Variants in SCYL1 observed in about 807,000 individuals in gnomAD.
The protein encoded by SCYL1 is SCY1 like pseudokinase 1.
A neutral mutation model predicts 94.8 loss-of-function variants in SCYL1; 85 were observed. The ratio of observed to expected loss-of-function variants is 0.90; its 90% CI spans 0.75 to 1.07. The LOEUF is 1.07. Among genes scored for constraint, SCYL1 ranks in the 50% least tolerant of loss-of-function variants. The probability of loss-of-function intolerance (pLI) is 0.00; values close to 1 mark genes in which losing one functional copy is unlikely to be tolerated. For synonymous variants in SCYL1, 459 were observed against 435.5 expected (o/e 1.05, Z -0.67); for missense variants, 968 against 1,083.3 (o/e 0.89, Z 1.49).
rs747316169 is a variant in SCYL1 at position 65,527,201 on chromosome 11, C to T, written c.849+84C>T. The T allele has an allele frequency of 1.3e-5, 19 of 1,479,882 alleles. No homozygotes were observed. The Admixed American group carries it at 1.9e-4, about 15-fold the overall frequency. The allele number at this position is 1,479,882 out of a possible 1,614,324, so 91.7% of individuals were successfully genotyped here. On this transcript the variant is annotated intron_variant, in intron 6 of 17. Coordinates refer to ENST00000270176, the MANE Select transcript of SCYL1 (RefSeq NM_020680.4). ...GCTTTTCAGGGTACCTCACAATTGA[C>T]CCTCAGGAGACAAGCATGGACTGTG... is the stretch of plus-strand genomic sequence containing the variant.
intron 6 of SCYL1, among the ~76,000 whole-genome samples, chr11:65,530,194 T>G (rs1026609349): frequency 2.8e-4 from 42 of 152,134 alleles, no homozygotes; most frequent in Admixed American, 6.5e-4. Context: ...AGTAAGCCCC[T>G]TCACCTCTTT....
chr11:65,525,282 C>T lies in SCYL1; in HGVS notation c.111+18C>T. 1 of 1,399,834 alleles carries T rather than the reference C, an allele frequency of 7.1e-7. No individual in the cohort carries two copies. Among genetic ancestry groups the T allele is most frequent in the Non-Finnish European group, 9.4e-7 (1 of 1,066,536 alleles). The allele number at this position is 1,399,834 out of a possible 1,614,324, so 86.7% of individuals were successfully genotyped here. A position where few individuals can be genotyped will look rare whatever the true frequency, so the allele number is the denominator to read the frequency against. On this transcript the variant is annotated intron_variant, in intron 1 of 17. Coordinates refer to ENST00000270176, the MANE Select transcript of SCYL1 (RefSeq NM_020680.4). ...GCAAGAAGGTGAGTGCGGCCGAGCT[C>T]CGTAGGCCGCGGTCGACCTGGGCCT...
At chr11:65,533,062 A>G (rs1279357035) in intron 9 of SCYL1, 16 of 455,122 alleles carry the variant, frequency 3.5e-5, no homozygotes, top group Non-Finnish European at 5.7e-5. Flanking sequence ...AGCCCCCTGC[A>G]CTCATGGAGC....
chr11:65,529,514 C>T (rs1007821486), intron 6 of SCYL1, among the ~76,000 whole-genome samples: 3 of 152,208 alleles, frequency 2.0e-5, no homozygotes, highest in Non-Finnish European at 4.4e-5. Context: ...CCTCTCTGGG[C>T]CTTGGCCCCG....
intron 6 of SCYL1, among the ~76,000 whole-genome samples, chr11:65,530,028 G>C (rs932761532): frequency 1.2e-4 from 18 of 152,154 alleles, no homozygotes; most frequent in African/African-American, 3.9e-4. Flanking sequence ...GGCCTCAAAG[G>C]GGGGTTAGGA....
Position 65,526,008 on chromosome 11 carries a change from G to T in SCYL1, c.340G>T (p.Glu114Ter). The T allele has an allele frequency of 6.2e-7, 1 of 1,613,314 alleles. No homozygotes were observed. The highest frequency in any genetic ancestry group is 1.1e-5 in the South Asian group (1 of 91,062). ...KARVEAGGLK[E>*]LEISWGLHQI... ...GAGAGTGGAGGCTGGTGGCCTGAAG[G>T]AGCTGGAGATCTCCTGGGGGCTACA... The change falls in exon 3 of 18, where the codon GAG becomes TAG. Residue 114 changes from glutamate to a stop codon, truncating the protein, a stop_gained. Transcript: ENST00000270176. LOFTEE classifies it high-confidence loss of function. This position sits in a 1 kb window ranked among gnomAD's most constrained non-coding sequence, Gnocchi z 4.1.
Position 65,531,896 on chromosome 11 carries a change from C to T in SCYL1, c.1116+213C>T, listed in dbSNP as rs553459208. On this transcript the variant is annotated intron_variant, in intron 8 of 17. Transcript: ENST00000270176. Reference sequence around the variant, plus strand: ...AATGGCCAGCTTGCCCAGGCTGCAGCGCTCTAATGCCCCCTCCTCTCCTGG... The same window carrying T: ...AATGGCCAGCTTGCCCAGGCTGCAGTGCTCTAATGCCCCCTCCTCTCCTGG... Among the ~76,000 whole-genome samples, 43 of 152,300 alleles carry T rather than the reference C, an allele frequency of 2.8e-4. No individual in the cohort carries two copies. The South Asian group carries it at 8.5e-3, about 30-fold the overall frequency.
At chr11:65,529,411 A>G (rs897948098) in intron 6 of SCYL1, among the ~76,000 whole-genome samples, 6 of 152,242 alleles carry the variant, frequency 3.9e-5, no homozygotes, top group Admixed American at 3.9e-4. Context: ...ATGGGAGGGC[A>G]GTGCCCAGGG....
intron 6 of SCYL1, among the ~76,000 whole-genome samples, chr11:65,528,829 C>G (rs1855222263): frequency 6.6e-6 from 1 of 152,118 alleles, no homozygotes; most frequent in Non-Finnish European, 1.5e-5. Context: ...GGGATGGGCT[C>G]TCTGAAGTGT....
Position 65,526,741 on chromosome 11 carries a change from G to A in SCYL1, c.603-42G>A. Reference sequence around the variant, plus strand: ...CCAAGGCAGGCTGGAGGCCTGTGCAGGTGGTTGGTGGGGCCCTAAGAGCTC... The same window carrying A: ...CCAAGGCAGGCTGGAGGCCTGTGCAAGTGGTTGGTGGGGCCCTAAGAGCTC... On this transcript the variant is annotated intron_variant, in intron 4 of 17. Coordinates refer to ENST00000270176, the MANE Select transcript of SCYL1 (RefSeq NM_020680.4). This position sits in a 1 kb window ranked among gnomAD's most constrained non-coding sequence, Gnocchi z 4.1. The A allele has an allele frequency of 6.3e-7, 1 of 1,585,534 alleles. No individual in the cohort carries two copies. Among genetic ancestry groups the A allele is most frequent in the Non-Finnish European group, 8.6e-7 (1 of 1,161,320 alleles).
At position 65,525,686 on chromosome 11, in the gene SCYL1, A is replaced by G. The variant is rs972059346; in HGVS notation, c.224A>G (p.Asn75Ser). 1.2e-6 allele frequency: 2 copies of G among 1,612,768 alleles called. No homozygotes were observed. Among genetic ancestry groups the G allele is most frequent in the Non-Finnish European group, 1.7e-6 (2 of 1,179,912 alleles). Residue 75 changes from asparagine to serine, a missense_variant, in exon 2 of 18, where the codon AAC becomes AGC. Physicochemically the swap from Asn to Ser is conservative, Grantham distance 46. Transcript: ENST00000270176. ...FKRFKTLRHP[N>S]ILAYIDGLET... ...CGCTTCAAAACTCTACGGCACCCCA[A>G]CATCCTGGCTTACATCGATGGACTG...
rs753818380 is a variant in SCYL1 at position 65,526,028 on chromosome 11, G to C, written c.360G>C (p.Gly120=). 6 of 1,613,078 alleles carry C rather than the reference G, an allele frequency of 3.7e-6. No homozygotes were observed. Among genetic ancestry groups the C allele is most frequent in the Non-Finnish European group, 5.1e-6 (6 of 1,179,872 alleles). The change falls in exon 3 of 18, where the codon GGG becomes GGC. Residue 120 remains glycine, a synonymous_variant. Coordinates refer to ENST00000270176, the MANE Select transcript of SCYL1 (RefSeq NM_020680.4). This position sits in a 1 kb window ranked among gnomAD's most constrained non-coding sequence, Gnocchi z 4.1. ...TGAAGGAGCTGGAGATCTCCTGGGGGCTACACCAGATCGTGGTGAGGTGGG... is the reference window on the plus strand; with the variant it reads ...TGAAGGAGCTGGAGATCTCCTGGGGCCTACACCAGATCGTGGTGAGGTGGG... ...GGLKELEISW[G]LHQIVKALSF... is the part of the protein sequence containing the mutation.
In SCYL1 at chr11:65,530,633, A is replaced by T. The variant is rs750538381; in HGVS notation, c.854A>T (p.Lys285Ile). The T allele has an allele frequency of 6.2e-7, 1 of 1,612,702 alleles. No homozygotes were observed. Among genetic ancestry groups the T allele is most frequent in the South Asian group, 1.1e-5 (1 of 90,946 alleles). Residue 285 changes from lysine to isoleucine, a missense_variant, in exon 7 of 18, where the codon AAA (lysine) becomes ATA (isoleucine). Coordinates refer to ENST00000270176, the MANE Select transcript of SCYL1 (RefSeq NM_020680.4). ...TNLFLEEIQI[K>I]EPAEKQKFFQ... ...GTCCCGTCCTCACTCCCCCAGATCA[A>T]AGAGCCAGCCGAGAAGCAAAAATTC...
intron 6 of SCYL1, 95 bp from the exon 7 acceptor site, chr11:65,530,534 C>T: frequency 7.1e-7 from 1 of 1,409,212 alleles, no homozygotes; most frequent in Non-Finnish European, 9.6e-7. Flanking sequence ...GCCCATAAGG[C>T]CCATAAGCAT....
rs904506266 is a variant in SCYL1 at position 65,526,912 on chromosome 11, C to T, written c.693+39C>T. The T allele has an allele frequency of 7.4e-6, 12 of 1,611,160 alleles. No individual in the cohort carries two copies. The African/African-American group carries it at 1.5e-4, about 20-fold the overall frequency. On this transcript the variant is annotated intron_variant, in intron 5 of 17. Transcript: ENST00000270176. The surrounding 1 kb of genome is among the most constrained non-coding windows in gnomAD (Gnocchi z 4.1). Reference sequence around the variant, plus strand: ...CCCTGGCTCTTTGCCCTGCCTCAGCCCCTCTGCCAGCTGGCTACCCCTGCC... The same window carrying T: ...CCCTGGCTCTTTGCCCTGCCTCAGCTCCTCTGCCAGCTGGCTACCCCTGCC...
At chr11:65,525,428 G>GGACC in intron 1 of SCYL1, 146 bp from the exon 2 acceptor site, 1 of 1,124,646 alleles carries the variant, frequency 8.9e-7, no homozygotes, top group Non-Finnish European at 1.2e-6. Context: ...AGGGACCGAG[G>GGACC]GACCGACAGG....
intron 9 of SCYL1, 122 bp downstream of exon 9, chr11:65,532,927 G>A: frequency 2.8e-6 from 2 of 724,530 alleles, no homozygotes; most frequent in Admixed American, 2.2e-5. Flanking sequence ...CTTGCTGTGT[G>A]GGTTCAGGCC....
intron 6 of SCYL1, among the ~76,000 whole-genome samples, chr11:65,529,385 G>A (rs1036412548): frequency 4.5e-4 from 68 of 152,318 alleles, no homozygotes; most frequent in African/African-American, 1.6e-3. Context: ...AGGGTTTCGG[G>A]AGCCTCCAGG....
chr11:65,535,339 C>T lies in SCYL1; in HGVS notation c.1343C>T (p.Thr448Ile). 3.7e-6 allele frequency: 6 copies of T among 1,614,272 alleles called. No homozygotes were observed. Among genetic ancestry groups the T allele is most frequent in the Non-Finnish European group, 5.1e-6 (6 of 1,180,044 alleles). The change falls in exon 10 of 18, where the codon ACC (threonine) becomes ATC (isoleucine). Residue 448 changes from threonine (T) to isoleucine (I), a missense_variant. Physicochemically the swap from Thr to Ile is moderately conservative, Grantham distance 89 (BLOSUM62 -1). This residue lies in a region of SCYL1 where 494 missense variants were observed against 619.7 expected (regional missense o/e 0.80). Transcript: ENST00000270176. ...KDEQGPIRCN[T>I]TVCLGKIGSY... Reference sequence around the variant, plus strand: ...GAACAGGGCCCCATCCGCTGCAACACCACAGTCTGCCTGGGCAAAATCGGC... The same window carrying T: ...GAACAGGGCCCCATCCGCTGCAACATCACAGTCTGCCTGGGCAAAATCGGC...
Sources: allele counts gnomAD v4.1 joint callset (sites outside exome capture counted in the v4.1 genomes callset), GRCh38; gene constraint gnomAD v4.1.1; regional missense constraint gnomAD v4.1.1; non-coding constraint Gnocchi (gnomAD v3.1); transcripts MANE v1.5; gene names NCBI Gene and HGNC (gene_info 2026-07-23, HGNC 2026-07-21).